Variants in NT5DC1 observed in about 807,000 individuals in gnomAD.
NT5DC1 encodes the protein 5'-nucleotidase domain containing 1.
Under a neutral mutation model 59.4 loss-of-function variants are expected in NT5DC1, and 42 were observed. That is an observed-to-expected ratio of 0.71 (90% CI 0.55 to 0.92). The LOEUF (loss-of-function observed/expected upper bound fraction) is 0.92. Ranked by LOEUF, NT5DC1 falls within the 40% of genes least tolerant of loss-of-function variation. The pLI, the probability that NT5DC1 is intolerant of heterozygous loss-of-function variation, is 0.00. For missense variants in NT5DC1, 501 were observed against 537.1 expected (o/e 0.93, Z 0.66); for synonymous variants, 172 against 188.1 (o/e 0.91, Z 0.70).
chr6:116,217,284 C>T (rs990276541), intron 6 of NT5DC1, among the ~76,000 whole-genome samples: 1 of 152,184 alleles, frequency 6.6e-6, no homozygotes, highest in African/African-American at 2.4e-5. Context: ...TGTCACTCTA[C>T]ATTAACCAGT....
chr6:116,237,651 A>G (rs1178214811), intron 9 of NT5DC1: 3 of 367,106 alleles, frequency 8.2e-6, no homozygotes, highest in Non-Finnish European at 1.6e-5. Flanking sequence ...TATGGACTCA[A>G]TCAATGGAGT....
chr6:116,211,622 A>C (rs140480542), intron 6 of NT5DC1, among the ~76,000 whole-genome samples: 2 of 152,194 alleles, frequency 1.3e-5, no homozygotes, highest in East Asian at 3.9e-4. Context: ...TTGGACTTAG[A>C]ATAATTTACA....
chr6:116,237,212 C>A, intron 9 of NT5DC1, 128 bp downstream of exon 9: 1 of 664,366 alleles, frequency 1.5e-6, no homozygotes, highest in South Asian at 1.8e-5. Context: ...GACAGGCTGT[C>A]TATCTGTGAT....
rs1429490050 is a variant in NT5DC1, at chr6:116,246,180, T to C, written c.*2156T>C. Reference sequence around the variant, plus strand: ...GTATAAATGGACAGAAGACATGTAATATTCGCATACAGGCAAACATTCATA... The same window carrying C: ...GTATAAATGGACAGAAGACATGTAACATTCGCATACAGGCAAACATTCATA... On this transcript the variant is annotated 3_prime_UTR_variant, in exon 12 of 12. Transcript: ENST00000319550. The C allele has an allele frequency of 1.3e-5, 2 of 152,118 alleles. No individual in the cohort carries two copies. Among genetic ancestry groups the C allele is most frequent in the East Asian group, 1.9e-4 (1 of 5,202 alleles). 9.4% of individuals were successfully genotyped at this position (152,118 alleles called of 1,614,324 possible). A position where few individuals can be genotyped will look rare whatever the true frequency, so the allele number is the denominator to read the frequency against.
Position 116,135,834 on chromosome 6 carries a change from GATATATATATATATATATATATAT to G in NT5DC1, c.529+17905_529+17928del, listed in dbSNP as rs199827970. Among the ~76,000 whole-genome samples the G allele has an allele frequency of 4.2e-4, 43 of 102,358 alleles. 2 individuals are homozygous for G. Among genetic ancestry groups the G allele is most frequent in the Admixed American group, 5.8e-4 (6 of 10,426 alleles). The allele number at this position is 102,358 out of a possible 152,430, so 67.2% of individuals were successfully genotyped here. A position where few individuals can be genotyped will look rare whatever the true frequency, so the allele number is the denominator to read the frequency against. On this transcript the variant is annotated intron_variant, in intron 6 of 11. Transcript: ENST00000319550. ...ATTTATGGTATACAATATATTTTCA[GATATATATATATATATATATATAT>G]ATATATATATATATACACACATACA...
Position 116,201,872 on chromosome 6 carries a change from T to A in NT5DC1, c.530-19182T>A, listed in dbSNP as rs1781355736. Among the ~76,000 whole-genome samples, 2 of 152,038 alleles carry A rather than the reference T, an allele frequency of 1.3e-5. 1 individual carries two copies. Among genetic ancestry groups the A allele is most frequent in the South Asian group, 4.1e-4 (2 of 4,830 alleles). On this transcript the variant is annotated intron_variant, in intron 6 of 11. Transcript: ENST00000319550. ...TTAAATGCTCTATTTCTGGACCAAA[T>A]CATGTTTGCTTATTATTTGGATCCA...
chr6:116,110,734 A>T (rs1458769129), intron 3 of NT5DC1, 116 bp from the exon 4 acceptor site: 1 of 818,568 alleles, frequency 1.2e-6, no homozygotes. Context: ...GAAAACAGAA[A>T]AAATACATAT....
At chr6:116,243,880 C>T in intron 11 of NT5DC1, 29 bp from the exon 12 acceptor site, 1 of 827,728 alleles carries the variant, frequency 1.2e-6, no homozygotes, top group Admixed American at 2.2e-5. Flanking sequence ...GAGACCTGTG[C>T]AATAATTAAA....
chr6:116,218,559 T>A (rs1182789621), intron 6 of NT5DC1, among the ~76,000 whole-genome samples: 1 of 152,160 alleles, frequency 6.6e-6, no homozygotes, highest in Admixed American at 6.5e-5. Context: ...CTTAGCCATT[T>A]AGATTTATTA....
At chr6:116,220,752 T>G (rs1208437755) in intron 6 of NT5DC1, among the ~76,000 whole-genome samples, 1 of 152,254 alleles carries the variant, frequency 6.6e-6, no homozygotes, top group African/African-American at 2.4e-5. Context: ...AGGTTTTCTC[T>G]TACAGCATTT....
At chr6:116,182,786 C>T (rs1582858803) in intron 6 of NT5DC1, among the ~76,000 whole-genome samples, 1 of 151,900 alleles carries the variant, frequency 6.6e-6, no homozygotes, top group South Asian at 2.1e-4. Flanking sequence ...CTAGATATTA[C>T]TCCTTTGTTG....
At chr6:116,122,674 G>A (rs1316064486) in intron 6 of NT5DC1, among the ~76,000 whole-genome samples, 1 of 152,228 alleles carries the variant, frequency 6.6e-6, no homozygotes, top group Admixed American at 6.5e-5. Context: ...CCTGTGATGT[G>A]AAAAATGCGG....
At chr6:116,201,130 G>T (rs982767516) in intron 6 of NT5DC1, among the ~76,000 whole-genome samples, 3 of 151,996 alleles carry the variant, frequency 2.0e-5, no homozygotes, top group African/African-American at 7.2e-5. Context: ...TGCAGAATAA[G>T]AAGGTGAGAT....
At chr6:116,191,421 G>A (rs569224538) in intron 6 of NT5DC1, among the ~76,000 whole-genome samples, 14 of 152,142 alleles carry the variant, frequency 9.2e-5, no homozygotes, top group African/African-American at 3.4e-4. Context: ...AGATTCACGG[G>A]AAAGAAGAGG....
At chr6:116,182,660 G>A (rs1780911785) in intron 6 of NT5DC1, among the ~76,000 whole-genome samples, 1 of 151,922 alleles carries the variant, frequency 6.6e-6, no homozygotes, top group Admixed American at 6.6e-5. Flanking sequence ...TTTGTTACAT[G>A]TTTGTTGTCC....
chr6:116,126,851 T>TA (rs1177676019), intron 6 of NT5DC1, among the ~76,000 whole-genome samples: 4 of 152,112 alleles, frequency 2.6e-5, no homozygotes, highest in Non-Finnish European at 4.4e-5. Flanking sequence ...GCTTTCAGCT[T>TA]AAAAAAAATA....
intron 6 of NT5DC1, among the ~76,000 whole-genome samples, chr6:116,158,072 A>G (rs1054233422): frequency 5.3e-5 from 8 of 152,236 alleles, no homozygotes; most frequent in African/African-American, 1.9e-4. Flanking sequence ...TCAGCTCTCA[A>G]AAAGTCAATT....
At chr6:116,191,308 G>C (rs1463470455) in intron 6 of NT5DC1, among the ~76,000 whole-genome samples, 1 of 151,928 alleles carries the variant, frequency 6.6e-6, no homozygotes, top group South Asian at 2.1e-4. Flanking sequence ...GAGCATCTGA[G>C]GTCTTTAAAA....
chr6:116,216,050 A>G (rs1781682108), intron 6 of NT5DC1, among the ~76,000 whole-genome samples: 1 of 152,154 alleles, frequency 6.6e-6, no homozygotes, highest in African/African-American at 2.4e-5. Flanking sequence ...AATGAAATCC[A>G]TCATTCTGTA....
Sources: allele counts gnomAD v4.1 joint callset (sites outside exome capture counted in the v4.1 genomes callset), GRCh38; gene constraint gnomAD v4.1.1; transcripts MANE v1.5; gene names NCBI Gene and HGNC (gene_info 2026-07-23, HGNC 2026-07-21).